Variants in ZNF148 observed in about 807,000 individuals in gnomAD.
The protein encoded by ZNF148 is zinc finger protein 148, also known as Beta-Enolase Repressor Factor-1.
ZNF148 carries 7 observed loss-of-function variants against 67.7 expected under a neutral mutation model. The ratio of observed to expected loss-of-function variants is 0.10; its 90% CI spans 0.06 to 0.19. The LOEUF (loss-of-function observed/expected upper bound fraction) is 0.19. ZNF148 is among the 10% of genes least tolerant of loss of function. The probability of loss-of-function intolerance (pLI) is 1.00; values close to 1 mark genes in which losing one functional copy is unlikely to be tolerated. For synonymous variants in ZNF148, 333 were observed against 330.7 expected (o/e 1.01, Z -0.08); for missense variants, 583 against 947.1 (o/e 0.62, Z 5.05).
At chr3:125,339,146 G>A (rs1941615974) in intron 1 of ZNF148, among the ~76,000 whole-genome samples, 1 of 152,122 alleles carries the variant, frequency 6.6e-6, no homozygotes, top group African/African-American at 2.4e-5. Flanking sequence ...CCAAGTTGCT[G>A]AGATTACAGG....
intron 1 of ZNF148, among the ~76,000 whole-genome samples, chr3:125,353,120 T>C (rs1453819466): frequency 6.6e-6 from 1 of 152,246 alleles, no homozygotes; most frequent in African/African-American, 2.4e-5. Context: ...ATAACCTCTT[T>C]ATTCATAATA....
chr3:125,371,370 AAAGGGG>A (rs1431103117), intron 1 of ZNF148, among the ~76,000 whole-genome samples: 1 of 47,248 alleles, frequency 2.1e-5, no homozygotes, highest in Non-Finnish European at 4.2e-5. Context: ...AAAAAAAAAA[AAAGGGG>A]GGGGGGGGGG....
intron 4 of ZNF148, among the ~76,000 whole-genome samples, chr3:125,302,377 C>CA (rs753651032): frequency 1.4e-3 from 161 of 113,280 alleles, no homozygotes; most frequent in East Asian, 8.0e-3. Context: ...GACCCTGTCT[C>CA]AAAAAAAAAA....
At position 125,233,703 on chromosome 3, in the gene ZNF148, G is replaced by A. The variant is rs138853145; in HGVS notation, c.1023C>T (p.Asp341=). The change falls in exon 9 of 9, where the codon GAC becomes GAT. Residue 341 remains aspartate (D), a synonymous_variant. Transcript: ENST00000360647. This position sits in a 1 kb window ranked among gnomAD's most constrained non-coding sequence, Gnocchi z 5.1. The stretch of plus-strand genomic sequence containing the variant: ...AATAAAGAGGCAAGTAATCATTTTT[G>A]TCTTTTTTCAGGTCAGATTTGTCCA... ...SALDKSDLKK[D]KNDYLPLYSS... is the part of the protein sequence containing the mutation. 5.8e-5 allele frequency: 93 copies of A among 1,613,668 alleles called. No homozygotes were observed. The highest frequency in any genetic ancestry group is 7.0e-5 in the Non-Finnish European group (83 of 1,179,846).
At chr3:125,370,610 C>T (rs1313464597) in intron 1 of ZNF148, among the ~76,000 whole-genome samples, 1 of 152,192 alleles carries the variant, frequency 6.6e-6, no homozygotes, top group African/African-American at 2.4e-5. Context: ...GGAAGACTCT[C>T]AAGAGTTGCC....
At chr3:125,259,773 T>A (rs1362980919) in intron 7 of ZNF148, among the ~76,000 whole-genome samples, 3 of 152,288 alleles carry the variant, frequency 2.0e-5, no homozygotes, top group Admixed American at 1.3e-4. Flanking sequence ...GTAGTACTTT[T>A]AATTTCCTTT....
chr3:125,336,677 C>CT lies in ZNF148; in HGVS notation c.-233-5440dup, dbSNP rs71148176. Among the ~76,000 whole-genome samples the CT allele has an allele frequency of 6.2e-4, 59 of 95,334 alleles. 2 individuals are homozygous for CT. Among genetic ancestry groups the CT allele is most frequent in the South Asian group, 2.1e-3 (6 of 2,918 alleles). The allele number at this position is 95,334 out of a possible 152,430, so 62.5% of individuals were successfully genotyped here. The stretch of plus-strand genomic sequence containing the variant: ...TCAAACCAACCACCCCAGAAATCAC[C>CT]TTTTTTTTTTTTTTTTTTGAGATGT... On this transcript the variant is annotated intron_variant, in intron 1 of 8. Coordinates refer to ENST00000360647, the MANE Select transcript of ZNF148 (RefSeq NM_021964.3).
intron 3 of ZNF148, among the ~76,000 whole-genome samples, chr3:125,322,232 G>A (rs1027277399): frequency 6.6e-6 from 1 of 151,446 alleles, no homozygotes; most frequent in African/African-American, 2.4e-5. Context: ...TTCACCGTGT[G>A]AGCCAGGATG....
intron 1 of ZNF148, chr3:125,338,971 G>A (rs1030895618): frequency 1.2e-4 from 19 of 152,148 alleles, no homozygotes; most frequent in Admixed American, 6.5e-4. Flanking sequence ...AATCTGATTA[G>A]GAAAACTGAG....
chr3:125,278,266 G>T (rs759021894), intron 6 of ZNF148, among the ~76,000 whole-genome samples: 1 of 151,938 alleles, frequency 6.6e-6, no homozygotes, highest in Non-Finnish European at 1.5e-5. Flanking sequence ...TTTTTTAAAA[G>T]ATCCTGTCTC....
chr3:125,340,982 C>T (rs543525965), intron 1 of ZNF148, among the ~76,000 whole-genome samples: 3 of 106,542 alleles, frequency 2.8e-5, no homozygotes, highest in African/African-American at 7.7e-5. Context: ...AGCGAGACTC[C>T]GGCTCAAAAA....
intron 1 of ZNF148, among the ~76,000 whole-genome samples, chr3:125,351,185 CA>C (rs1331037667): frequency 2.6e-5 from 4 of 151,874 alleles, no homozygotes; most frequent in African/African-American, 9.7e-5. Flanking sequence ...CCAGCCTGGG[CA>C]ACAGAATGAG....
intron 2 of ZNF148, among the ~76,000 whole-genome samples, chr3:125,329,003 A>G (rs966117019): frequency 9.2e-5 from 1 of 10,830 alleles, no homozygotes; most frequent in Non-Finnish European, 2.3e-4. Context: ...CTACTGATAT[A>G]TATATATATA....
chr3:125,289,201 T>C (rs1938871401), intron 4 of ZNF148, among the ~76,000 whole-genome samples: 1 of 152,170 alleles, frequency 6.6e-6, no homozygotes. Context: ...AATGGCTACA[T>C]TTTCAAGAAA....
At chr3:125,299,627 T>G (rs1939482088) in intron 4 of ZNF148, among the ~76,000 whole-genome samples, 1 of 152,212 alleles carries the variant, frequency 6.6e-6, no homozygotes, top group Non-Finnish European at 1.5e-5. Context: ...CAAGTGAGGA[T>G]ACTGAAAAAT....
intron 4 of ZNF148, among the ~76,000 whole-genome samples, chr3:125,312,699 T>C (rs1455473005): frequency 2.6e-5 from 4 of 152,116 alleles, no homozygotes; most frequent in Non-Finnish European, 4.4e-5. Context: ...TTTGATATCA[T>C]AGAAAGAAGA....
intron 2 of ZNF148, among the ~76,000 whole-genome samples, chr3:125,330,028 T>C (rs1941215319): frequency 6.6e-6 from 1 of 152,192 alleles, no homozygotes; most frequent in African/African-American, 2.4e-5. Context: ...CTCTATTGCC[T>C]AAGTGTATAC....
intron 6 of ZNF148, among the ~76,000 whole-genome samples, chr3:125,278,169 G>A (rs765622094): frequency 6.6e-6 from 1 of 151,984 alleles, no homozygotes; most frequent in Admixed American, 6.6e-5. Context: ...AAGAAGGTGC[G>A]CCCATCCTGT....
Position 125,231,668 on chromosome 3 carries a change from G to C in ZNF148, c.*673C>G, listed in dbSNP as rs1935859248. On this transcript the variant is annotated 3_prime_UTR_variant, in exon 9 of 9. Coordinates refer to ENST00000360647, the MANE Select transcript of ZNF148 (RefSeq NM_021964.3). ...GACTGCTTCAACAGTTGTGTGTTTT[G>C]GTAAAAGTTCTGAAAGTATGCATAT... The C allele has an allele frequency of 6.6e-6, 1 of 152,364 alleles. No individual in the cohort carries two copies. The highest frequency in any genetic ancestry group is 1.5e-5 in the Non-Finnish European group (1 of 67,976). The allele number at this position is 152,364 out of a possible 1,614,324, so 9.4% of individuals were successfully genotyped here. A position where few individuals can be genotyped will look rare whatever the true frequency, so the allele number is the denominator to read the frequency against.
Sources: gnomAD v4.1 joint callset for allele counts (sites outside exome capture counted in the v4.1 genomes callset) on GRCh38, gnomAD v4.1.1 for gene constraint, Gnocchi (gnomAD v3.1) non-coding constraint, MANE v1.5 for transcripts, NCBI Gene and HGNC (gene_info 2026-07-23, HGNC 2026-07-21) for gene names.